Variants in SH3RF1 observed in about 807,000 individuals in gnomAD.
SH3RF1 encodes SH3 domain containing ring finger 1, also known as E3 ubiquitin-protein ligase SH3RF1.
Under a neutral mutation model 74.0 loss-of-function variants are expected in SH3RF1, and 32 were observed. That is an observed-to-expected ratio of 0.43 (90% CI 0.33 to 0.58). The LOEUF (loss-of-function observed/expected upper bound fraction) is 0.58, where lower values mean the gene tolerates loss of function less well. Among genes scored for constraint, SH3RF1 ranks in the 20% least tolerant of loss-of-function variants. SH3RF1 has a pLI of 0.05. For missense variants in SH3RF1, 954 were observed against 1,130.9 expected, an observed-to-expected ratio of 0.84 and a Z score of 2.24; for synonymous variants, 396 against 439.6, an observed-to-expected ratio of 0.90 and a Z score of 1.24.
chr4:169,116,201 G>C, intron 10 of SH3RF1, 68 bp downstream of exon 10: 9 of 1,533,010 alleles, frequency 5.9e-6, no homozygotes, highest in Non-Finnish European at 7.9e-6. Flanking sequence ...AAAAATGACA[G>C]ACACAACATA....
At chr4:169,162,216 TC>T (rs1466225227) in intron 2 of SH3RF1, among the ~76,000 whole-genome samples, 4 of 152,306 alleles carry the variant, frequency 2.6e-5, no homozygotes, top group African/African-American at 7.2e-5. Flanking sequence ...TGTTGGCTTT[TC>T]CCTACAAAGT....
rs1288192044 is a variant in SH3RF1, at chr4:169,094,992, C to T, written c.*1527G>A. 1.3e-5 allele frequency: 2 copies of T among 152,502 alleles called. No individual in the cohort carries two copies. Among genetic ancestry groups the T allele is most frequent in the East Asian group, 1.9e-4 (1 of 5,184 alleles). The allele number at this position is 152,502 out of a possible 1,614,324, so 9.4% of individuals were successfully genotyped here. ...GGTAAGGATCTTATTCATTACCAGG[C>T]TGTCTTCCCTCCTTTTGTTTTCCGG... On this transcript the variant is annotated 3_prime_UTR_variant, in exon 12 of 12. Coordinates refer to ENST00000284637, the MANE Select transcript of SH3RF1 (RefSeq NM_020870.4).
chr4:169,261,849 C>T (rs1731283292), intron 2 of SH3RF1, among the ~76,000 whole-genome samples: 1 of 152,102 alleles, frequency 6.6e-6, no homozygotes, highest in African/African-American at 2.4e-5. Context: ...TCCTTTACAT[C>T]ATCTTCTACT....
At chr4:169,255,386 T>C (rs142921895) in intron 2 of SH3RF1, among the ~76,000 whole-genome samples, 78 of 152,286 alleles carry the variant, frequency 5.1e-4, no homozygotes, top group African/African-American at 1.8e-3. Context: ...TGTTTATATA[T>C]GTCACAATTT....
chr4:169,183,312 G>T (rs1414101689), intron 2 of SH3RF1, among the ~76,000 whole-genome samples: 3 of 152,124 alleles, frequency 2.0e-5, no homozygotes, highest in African/African-American at 7.2e-5. Context: ...ACAAAGTCTC[G>T]CTCTTGTCCC....
chr4:169,101,612 C>T (rs923023288), intron 11 of SH3RF1, among the ~76,000 whole-genome samples: 6 of 146,210 alleles, frequency 4.1e-5, no homozygotes, highest in Non-Finnish European at 7.5e-5. Flanking sequence ...TTCATGTATA[C>T]TTTACCACAA....
At chr4:169,128,084 T>C (rs1177558243) in intron 6 of SH3RF1, among the ~76,000 whole-genome samples, 1 of 152,218 alleles carries the variant, frequency 6.6e-6, no homozygotes, top group Non-Finnish European at 1.5e-5. Flanking sequence ...TATAATTAAA[T>C]TTTCTATTAT....
At chr4:169,140,017 A>G (rs550100081) in intron 4 of SH3RF1, among the ~76,000 whole-genome samples, 1 of 152,174 alleles carries the variant, frequency 6.6e-6, no homozygotes, top group East Asian at 1.9e-4. Context: ...ATTTTTATGC[A>G]TGGACAGTAA....
At chr4:169,173,590 C>G (rs893687618) in intron 2 of SH3RF1, among the ~76,000 whole-genome samples, 4 of 152,106 alleles carry the variant, frequency 2.6e-5, no homozygotes, top group African/African-American at 9.7e-5. Context: ...GTCTGAGGAG[C>G]TGGTGATCCT....
intron 2 of SH3RF1, among the ~76,000 whole-genome samples, chr4:169,260,976 T>A (rs1160646799): frequency 6.6e-6 from 1 of 152,220 alleles, no homozygotes; most frequent in Non-Finnish European, 1.5e-5. Context: ...AGGTTGGTAC[T>A]CCACTCACTT....
In SH3RF1 at chr4:169,116,624, G is replaced by A. The variant is rs900357429; in HGVS notation, c.1784C>T (p.Ala595Val). 9 of 1,534,036 alleles carry A rather than the reference G, an allele frequency of 5.9e-6. No individual in the cohort carries two copies. The highest frequency in any genetic ancestry group is 1.9e-5 in the Admixed American group (1 of 51,564). The change falls in exon 10 of 12, where the codon GCG becomes GTG. Residue 595 changes from alanine (A) to valine (V), a missense_variant. Physicochemically the swap from Ala to Val is moderately conservative, Grantham distance 64. Coordinates refer to ENST00000284637, the MANE Select transcript of SH3RF1 (RefSeq NM_020870.4). The part of the protein sequence containing the change: ...QARNAVRTVA[A>V]HNQERPTAAV... ...TGCCGTGGGGCGTTCCTGGTTGTGC[G>A]CTGCAACTAGTAGATGGGAAGAGGG... is the stretch of plus-strand genomic sequence containing the variant.
At chr4:169,158,304 G>T (rs1036463038) in intron 2 of SH3RF1, among the ~76,000 whole-genome samples, 3 of 152,182 alleles carry the variant, frequency 2.0e-5, no homozygotes, top group Admixed American at 2.0e-4. Context: ...TGGAGTGAAT[G>T]AATGAAAGAG....
intron 4 of SH3RF1, among the ~76,000 whole-genome samples, chr4:169,137,632 A>G (rs1448641783): frequency 3.3e-5 from 5 of 152,258 alleles, no homozygotes; most frequent in Non-Finnish European, 7.3e-5. Context: ...ATGTCTTTAT[A>G]TAAAATAATA....
rs118191807 is a variant in SH3RF1 at position 169,253,720 on chromosome 4, C to T, written c.393+15100G>A. On this transcript the variant is annotated intron_variant, in intron 2 of 11. Transcript: ENST00000284637. ...ATCTGCATCAAAAGAAGCCATTATA[C>T]ATGTAACATTTTGCATTCTAAAAGA... is the stretch of plus-strand genomic sequence containing the variant. Among the ~76,000 whole-genome samples, 28 of 152,244 alleles carry T rather than the reference C, an allele frequency of 1.8e-4. No individual in the cohort carries two copies. The East Asian group carries it at 4.8e-3, about 26-fold the overall frequency.
intron 10 of SH3RF1, 115 bp from the exon 11 acceptor site, chr4:169,107,320 G>A (rs1431054309): frequency 8.5e-6 from 8 of 943,958 alleles, no homozygotes; most frequent in Non-Finnish European, 1.2e-5. Flanking sequence ...AATTTTTGTG[G>A]GTCCATAGTA....
chr4:169,111,233 A>G (rs1733239269), intron 10 of SH3RF1, among the ~76,000 whole-genome samples: 1 of 147,532 alleles, frequency 6.8e-6, no homozygotes, highest in Non-Finnish European at 1.5e-5. Flanking sequence ...CCCAGGAGGT[A>G]GAGGCTGCAG....
At chr4:169,209,007 G>A (rs541539203) in intron 2 of SH3RF1, among the ~76,000 whole-genome samples, 1 of 152,148 alleles carries the variant, frequency 6.6e-6, no homozygotes, top group Admixed American at 6.5e-5. Flanking sequence ...TGAGGCAGTA[G>A]GACAGGGCGT....
chr4:169,186,442 T>G (rs1734603623), intron 2 of SH3RF1, among the ~76,000 whole-genome samples: 1 of 152,038 alleles, frequency 6.6e-6, no homozygotes, highest in Non-Finnish European at 1.5e-5. Flanking sequence ...AACACTTATT[T>G]CTATCAAATC....
At chr4:169,194,132 A>G (rs1734771514) in intron 2 of SH3RF1, among the ~76,000 whole-genome samples, 1 of 152,198 alleles carries the variant, frequency 6.6e-6, no homozygotes, top group Non-Finnish European at 1.5e-5. Flanking sequence ...GAGTGTATGA[A>G]GTTCAGGTAG....
Sources: gnomAD v4.1 joint callset for allele counts (sites outside exome capture counted in the v4.1 genomes callset) on GRCh38, gnomAD v4.1.1 for gene constraint, MANE v1.5 for transcripts, NCBI Gene and HGNC (gene_info 2026-07-23, HGNC 2026-07-21) for gene names.